Variants in TBC1D1 observed in about 807,000 individuals in gnomAD.
TBC1D1 encodes the protein TBC1 (tre-2/USP6, BUB2, cdc16) domain family, member 1.
Under a neutral mutation model 125.6 loss-of-function variants are expected in TBC1D1, and 89 were observed. The ratio of observed to expected loss-of-function variants is 0.71; its 90% CI spans 0.60 to 0.85. TBC1D1 has a LOEUF of 0.85. Ranked by LOEUF, TBC1D1 falls within the 40% of genes least tolerant of loss-of-function variation. The pLI is 0.00. For missense variants in TBC1D1, 1,377 were observed against 1,469.2 expected (o/e 0.94, Z 1.03); for synonymous variants, 565 against 564.1 (o/e 1.00, Z -0.02).
At chr4:37,983,393 G>A (rs891793747) in intron 2 of TBC1D1, among the ~76,000 whole-genome samples, 25 of 152,178 alleles carry the variant, frequency 1.6e-4, no homozygotes, top group African/African-American at 5.8e-4. Flanking sequence ...GATTATAGGC[G>A]TGAGCCACTG....
intron 2 of TBC1D1, among the ~76,000 whole-genome samples, chr4:37,947,500 A>T (rs1005227513): frequency 1.3e-5 from 2 of 151,976 alleles, no homozygotes; most frequent in African/African-American, 2.4e-5. Context: ...TCACTCTGTC[A>T]TCCAGGCTGG....
intron 2 of TBC1D1, among the ~76,000 whole-genome samples, chr4:38,006,474 A>ATTTTT (rs71190940): frequency 1.3e-4 from 13 of 101,384 alleles, no homozygotes; most frequent in Admixed American, 2.4e-4. Context: ...GACCAACACT[A>ATTTTT]TTTTTTTTTT....
At chr4:38,123,169 A>G (rs944226025) in intron 17 of TBC1D1, among the ~76,000 whole-genome samples, 3 of 152,210 alleles carry the variant, frequency 2.0e-5, no homozygotes, top group African/African-American at 7.2e-5. Flanking sequence ...GTAGAGACCA[A>G]GCTATAGAAA....
chr4:37,988,532 C>T (rs756641534), intron 2 of TBC1D1, among the ~76,000 whole-genome samples: 4 of 152,168 alleles, frequency 2.6e-5, no homozygotes, highest in Non-Finnish European at 5.9e-5. Context: ...ACACTTAGTA[C>T]CTAGATTAAG....
chr4:37,975,158 A>C (rs1385133433), intron 2 of TBC1D1, among the ~76,000 whole-genome samples: 2 of 152,180 alleles, frequency 1.3e-5, no homozygotes, highest in African/African-American at 4.8e-5. Flanking sequence ...AAGGAGTGTG[A>C]GCCATCTCCA....
chr4:37,941,528 T>C (rs1297813772), intron 2 of TBC1D1, among the ~76,000 whole-genome samples: 2 of 152,216 alleles, frequency 1.3e-5, no homozygotes, highest in Non-Finnish European at 2.9e-5. Flanking sequence ...TCTCCCTCAG[T>C]TCTGTTCTGA....
chr4:37,932,902 C>T (rs1352061252), intron 2 of TBC1D1, among the ~76,000 whole-genome samples: 3 of 151,914 alleles, frequency 2.0e-5, no homozygotes, highest in African/African-American at 7.3e-5. Flanking sequence ...ACTAAAAATG[C>T]AAAAATTAGC....
At chr4:37,892,526 A>G (rs1310929900) in intron 1 of TBC1D1, among the ~76,000 whole-genome samples, 1 of 152,242 alleles carries the variant, frequency 6.6e-6, no homozygotes, top group African/African-American at 2.4e-5. Flanking sequence ...AAAGCAGGAA[A>G]TAAAATCATC....
intron 8 of TBC1D1, among the ~76,000 whole-genome samples, chr4:38,037,921 G>A (rs1044090790): frequency 6.6e-6 from 1 of 152,202 alleles, no homozygotes; most frequent in Non-Finnish European, 1.5e-5. Flanking sequence ...AGGCTGTCAC[G>A]TTTTAGTCAA....
At chr4:38,049,306 C>T (rs1360283259) in intron 10 of TBC1D1, among the ~76,000 whole-genome samples, 1 of 152,162 alleles carries the variant, frequency 6.6e-6, no homozygotes, top group African/African-American at 2.4e-5. Context: ...CTGCAGTAAA[C>T]AGTCCTGTTT....
chr4:38,045,708 G>A (rs904408961), intron 9 of TBC1D1, 109 bp from the exon 10 acceptor site: 1 of 737,558 alleles, frequency 1.4e-6, no homozygotes, highest in African/African-American at 1.7e-5. Context: ...GCATTTCTCA[G>A]TAGATAACAT....
intron 1 of TBC1D1, among the ~76,000 whole-genome samples, chr4:37,891,757 T>C (rs1291631824): frequency 1.3e-5 from 2 of 150,244 alleles, no homozygotes; most frequent in Non-Finnish European, 1.5e-5. Flanking sequence ...CAGGGTACTT[T>C]GCAGTAGTAA....
chr4:38,096,139 T>C (rs376197921), intron 14 of TBC1D1, 49 bp downstream of exon 16: 24 of 1,512,518 alleles, frequency 1.6e-5, no homozygotes, highest in African/African-American at 5.6e-5. Context: ...TCATTGGTGA[T>C]TGGGGAGAAG....
intron 2 of TBC1D1, among the ~76,000 whole-genome samples, chr4:38,000,102 G>T (rs1363940764): frequency 1.3e-5 from 2 of 152,152 alleles, no homozygotes; most frequent in Non-Finnish European, 2.9e-5. Flanking sequence ...GTCTGGCGAG[G>T]CTTTCTCATT....
At chr4:37,953,348 G>A (rs35685573) in intron 2 of TBC1D1, among the ~76,000 whole-genome samples, 7,658 of 152,212 alleles carry the variant, frequency 0.05, 326 homozygotes, top group East Asian at 0.22. Context: ...TATTAAAAAC[G>A]TTTTCAAAGT....
chr4:38,027,764 T>G (rs1389572085), intron 6 of TBC1D1, 24 bp from the exon 7 acceptor site: 2 of 1,561,860 alleles, frequency 1.3e-6, no homozygotes, highest in Non-Finnish European at 1.8e-6. Flanking sequence ...AATTTTTTCA[T>G]GCCTCTCTTT....
In TBC1D1 at chr4:38,044,450, A is replaced by G; in HGVS notation, c.1502A>G (p.Lys501Arg). ...CTAGATATGCTGAAAAACAAAGCAA[A>G]GAGATCTTTAACAGAGTCTTTAGAA... Residue 501 changes from lysine to arginine, a missense_variant, in exon 9 of 20, where the codon AAG becomes AGG. Lys to Arg is a conservative substitution (Grantham distance 26). This residue lies in a region of TBC1D1 where 822 missense variants were observed against 824.6 expected (regional missense o/e 1.00). Coordinates refer to ENST00000261439, the MANE Select transcript of TBC1D1 (RefSeq NM_015173.4). The G allele has an allele frequency of 6.2e-7, 1 of 1,613,646 alleles. No individual in the cohort carries two copies. The highest frequency in any genetic ancestry group is 8.5e-7 in the Non-Finnish European group (1 of 1,179,936).
intron 1 of TBC1D1, among the ~76,000 whole-genome samples, chr4:37,896,836 T>C (rs1260672156): frequency 6.6e-6 from 1 of 151,856 alleles, no homozygotes; most frequent in East Asian, 1.9e-4. Flanking sequence ...AATTTTATGA[T>C]TCTAAGTGTA....
chr4:37,984,305 G>A (rs1036611300), intron 2 of TBC1D1, among the ~76,000 whole-genome samples: 1 of 152,148 alleles, frequency 6.6e-6, no homozygotes, highest in Non-Finnish European at 1.5e-5. Context: ...AGATTGTAAT[G>A]TAAGATTATG....
Sources: gnomAD v4.1 joint callset for allele counts (sites outside exome capture counted in the v4.1 genomes callset) on GRCh38, gnomAD v4.1.1 for gene constraint, gnomAD v4.1.1 regional missense constraint, MANE v1.5 for transcripts, NCBI Gene and HGNC (gene_info 2026-07-23, HGNC 2026-07-21) for gene names.